PSMA6: variants seen among roughly 807,000 people sequenced by gnomAD.
PSMA6 encodes the protein proteasome subunit alpha type-6.
For missense variants in PSMA6, 170 were observed against 294.8 expected (o/e 0.58, Z 3.10); for synonymous variants, 88 against 97.7 (o/e 0.90, Z 0.59).
At chr14:35,285,357 A>AAAAC (rs1555335401) in intron 1 of PSMA6, among the ~76,000 whole-genome samples, 7 of 145,504 alleles carry the variant, frequency 4.8e-5, no homozygotes, top group Admixed American at 2.1e-4. Context: ...ACAAAAAACA[A>AAAAC]AAAAAAAAAC....
intron 1 of PSMA6, chr14:35,293,357 G>A: frequency 5.1e-6 from 1 of 195,058 alleles, no homozygotes; most frequent in East Asian, 1.5e-4. Flanking sequence ...GTATTGCGCT[G>A]AAACGGTGTC....
chr14:35,283,363 C>CAA lies in PSMA6; in HGVS notation c.19+4659_19+4660dup, dbSNP rs754386797. Among the ~76,000 whole-genome samples the CAA allele has an allele frequency of 2.0e-4, 13 of 64,810 alleles. No homozygotes were observed. In the South Asian group the frequency reaches 2.3e-3, roughly 11 times the overall value. 42.5% of individuals were successfully genotyped at this position (64,810 alleles called of 152,430 possible). ...GCAACACAGGGAGACCCTATCTCTA[C>CAA]AAAAAAAAAAAAAAAGAGAGAGAAA... On this transcript the variant is annotated intron_variant, in intron 1 of 6. Transcript: ENST00000540871.
At chr14:35,278,581 G>A, upstream of PSMA6, 1 of 946,160 alleles carries the variant, frequency 1.1e-6, no homozygotes, top group Non-Finnish European at 1.6e-6. Context: ...CCAATAGGAT[G>A]CCAGTGGAAT....
chr14:35,288,512 AAACAAC>A (rs539252937), upstream of PSMA6, among the ~76,000 whole-genome samples: 6 of 152,118 alleles, frequency 3.9e-5, no homozygotes, highest in Admixed American at 6.6e-5. Context: ...AATAAGCCAA[AAACAAC>A]AACAACAACA....
At chr14:35,284,528 G>C (rs900795472) in intron 1 of PSMA6, among the ~76,000 whole-genome samples, 1 of 152,092 alleles carries the variant, frequency 6.6e-6, no homozygotes, top group Non-Finnish European at 1.5e-5. Flanking sequence ...GACGCTGTCG[G>C]GTTCATCTGT....
intron 1 of PSMA6, among the ~76,000 whole-genome samples, chr14:35,279,234 A>T (rs2051339490): frequency 6.6e-6 from 1 of 152,118 alleles, no homozygotes; most frequent in Non-Finnish European, 1.5e-5. Context: ...TTTAGTAGAG[A>T]CAGGGTTTCT....
intron 6 of PSMA6, 194 bp downstream of exon 6, chr14:35,314,649 T>G (rs1269098523): frequency 1.8e-6 from 1 of 554,032 alleles, no homozygotes; most frequent in Non-Finnish European, 2.6e-6. Flanking sequence ...ATATGAAAGC[T>G]TTTCTCCTTA....
intron 3 of PSMA6, among the ~76,000 whole-genome samples, chr14:35,309,569 A>G (rs1566561352): frequency 6.6e-6 from 1 of 152,188 alleles, no homozygotes; most frequent in Admixed American, 6.6e-5. Context: ...AGGCAGGCGG[A>G]TCACTTGAGG....
intron 1 of PSMA6, among the ~76,000 whole-genome samples, chr14:35,282,637 A>G (rs28470932): frequency 0.26 from 39,365 of 151,878 alleles, 6,763 homozygotes; most frequent in African/African-American, 0.49. Flanking sequence ...GATTTCTTGC[A>G]TCTAGGAGCT....
upstream of PSMA6, among the ~76,000 whole-genome samples, chr14:35,291,376 C>T (rs2051477595): frequency 6.6e-6 from 1 of 152,158 alleles, no homozygotes; most frequent in Admixed American, 6.5e-5. Flanking sequence ...CGCCACCACG[C>T]CTGGCTAATT....
chr14:35,292,840 C>G lies in PSMA6; in HGVS notation c.76+288C>G. ...ATGCCTGACTCCGGCTTCGTGAGGC[C>G]CCTTCAGTTATTGTATTCTGTCCTG... On this transcript the variant is annotated intron_variant, in intron 1 of 6. Transcript: ENST00000261479. The G allele has an allele frequency of 5.6e-6, 3 of 535,562 alleles. No homozygotes were observed. The South Asian group carries it at 5.7e-5, about 10-fold the overall frequency. The allele number at this position is 535,562 out of a possible 1,614,324, so 33.2% of individuals were successfully genotyped here. A position where few individuals can be genotyped will look rare whatever the true frequency, so the allele number is the denominator to read the frequency against.
At chr14:35,289,023 A>G (rs557275541), upstream of PSMA6, among the ~76,000 whole-genome samples, 18 of 152,308 alleles carry the variant, frequency 1.2e-4, no homozygotes, top group South Asian at 3.3e-3. Context: ...GTGTGGCTCA[A>G]GACAATTCTT....
chr14:35,308,209 A>G, intron 2 of PSMA6, 121 bp downstream of exon 2: 1 of 1,333,350 alleles, frequency 7.5e-7, no homozygotes, highest in Non-Finnish European at 1.0e-6. Context: ...ATCACCTTAG[A>G]TCGGGAGTTC....
At chr14:35,313,209 G>T in intron 5 of PSMA6, 150 bp downstream of exon 5, 1 of 722,294 alleles carries the variant, frequency 1.4e-6, no homozygotes. Flanking sequence ...AGCTGACATA[G>T]GAAAATTTGA....
upstream of PSMA6, chr14:35,292,352 C>T: frequency 1.3e-6 from 2 of 1,524,484 alleles, no homozygotes; most frequent in Non-Finnish European, 1.8e-6. Flanking sequence ...GTTCGGCATG[C>T]AAGAGCGGAA....
upstream of PSMA6, among the ~76,000 whole-genome samples, chr14:35,289,324 C>G (rs1306295694): frequency 6.8e-6 from 1 of 147,596 alleles, no homozygotes; most frequent in Non-Finnish European, 1.5e-5. Context: ...AAACAGTGAA[C>G]AAATTTATGA....
At chr14:35,295,704 G>T (rs761906715) in intron 1 of PSMA6, among the ~76,000 whole-genome samples, 1 of 152,052 alleles carries the variant, frequency 6.6e-6, no homozygotes, top group Non-Finnish European at 1.5e-5. Context: ...CACCCACCTC[G>T]GCCTCCCAAA....
intron 4 of PSMA6, among the ~76,000 whole-genome samples, chr14:35,311,572 C>G (rs975886614): frequency 2.6e-5 from 4 of 152,128 alleles, no homozygotes; most frequent in African/African-American, 9.7e-5. Flanking sequence ...TTTGTTGTTT[C>G]CCCAAGCAGT....
intron 1 of PSMA6, among the ~76,000 whole-genome samples, chr14:35,295,214 G>A (rs1594378869): frequency 6.6e-6 from 1 of 151,746 alleles, no homozygotes; most frequent in Non-Finnish European, 1.5e-5. Context: ...TGGCGTGCCT[G>A]TAGTCCTACC....
Sources: gnomAD v4.1 joint callset for allele counts (sites outside exome capture counted in the v4.1 genomes callset) on GRCh38, gnomAD v4.1.1 for gene constraint, MANE v1.5 for transcripts, NCBI Gene and HGNC (gene_info 2026-07-23, HGNC 2026-07-21) for gene names.